The following RORA variants were observed in gnomAD, a reference collection of about 807,000 sequenced individuals.
RORA encodes nuclear receptor ROR-alpha.
RORA carries 7 observed loss-of-function variants against 69.5 expected under a neutral mutation model. That is an observed-to-expected ratio of 0.10 (90% CI 0.06 to 0.19). RORA has a LOEUF of 0.19. RORA is among the 10% of genes least tolerant of loss of function. The probability of loss-of-function intolerance (pLI) is 1.00; values close to 1 mark genes in which losing one functional copy is unlikely to be tolerated. For missense variants in RORA, 457 were observed against 663.0 expected (o/e 0.69, Z 3.41); for synonymous variants, 261 against 240.8 (o/e 1.08, Z -0.78).
chr15:60,629,894 A>G (rs1416140624), intron 2 of RORA, among the ~76,000 whole-genome samples: 1 of 152,238 alleles, frequency 6.6e-6, no homozygotes, highest in Non-Finnish European at 1.5e-5. Context: ...AATGTATTCC[A>G]TGAATGAAAG....
intron 2 of RORA, chr15:60,558,359 A>C (rs1034458916): frequency 9.3e-6 from 11 of 1,179,460 alleles, no homozygotes; most frequent in Non-Finnish European, 1.3e-5. Flanking sequence ...GGCATTAATT[A>C]GTTGGCCACT....
chr15:61,127,397 G>A (rs1360174720), intron 1 of RORA, among the ~76,000 whole-genome samples: 1 of 152,192 alleles, frequency 6.6e-6, no homozygotes, highest in African/African-American at 2.4e-5. Context: ...ATCTGTGTGA[G>A]GTTAGGAAAC....
chr15:60,516,199 ATATATATATTTATATATATATATT>A (rs1378797202), intron 3 of RORA, among the ~76,000 whole-genome samples: 1,542 of 24,508 alleles, frequency 0.063, 47 homozygotes, highest in South Asian at 0.077. Context: ...ATATATATTT[ATATATATATTTATATATATATATT>A]TATATATATA....
Position 60,751,270 on chromosome 15 carries a change from A to G in RORA, c.167-72584T>C, listed in dbSNP as rs561549254. Among the ~76,000 whole-genome samples, 26 of 152,312 alleles carry G rather than the reference A, an allele frequency of 1.7e-4. 1 individual carries two copies. The highest frequency in any genetic ancestry group is 5.5e-4 in the African/African-American group (23 of 41,560). Reference sequence around the variant, plus strand: ...CCCTGTTGTCATGTATTGATTACTTATGGCAAATAACATCAGGAGGAATTG... The same window carrying G: ...CCCTGTTGTCATGTATTGATTACTTGTGGCAAATAACATCAGGAGGAATTG... On this transcript the variant is annotated intron_variant, in intron 1 of 10. Coordinates refer to ENST00000335670, the MANE Select transcript of RORA (RefSeq NM_134261.3).
At chr15:61,050,247 T>G (rs1023804364) in intron 1 of RORA, among the ~76,000 whole-genome samples, 6 of 152,220 alleles carry the variant, frequency 3.9e-5, no homozygotes, top group Admixed American at 1.3e-4. Context: ...CGATGAGTCA[T>G]GAGACACGCA....
At chr15:60,978,959 C>CTTT (rs1555399125) in intron 1 of RORA, among the ~76,000 whole-genome samples, 3 of 48,988 alleles carry the variant, frequency 6.1e-5, no homozygotes, top group African/African-American at 2.2e-4. Context: ...TCCAACTTTG[C>CTTT]TCTTTTTTTT....
rs571624632 is a variant in RORA, at chr15:60,975,036, G to T, written c.166+254017C>A. ...CCAAGGCCAGACTGCAGAGAGCCCG[G>T]AATCTTTCCTGAATGGGAGGGGAGC... On this transcript the variant is annotated intron_variant, in intron 1 of 10. Transcript: ENST00000335670. Among the ~76,000 whole-genome samples, 13 of 152,336 alleles carry T rather than the reference G, an allele frequency of 8.5e-5. No individual in the cohort carries two copies. The Middle Eastern group carries it at 0.01, about 120-fold the overall frequency.
intron 1 of RORA, among the ~76,000 whole-genome samples, chr15:61,100,383 G>C (rs1414116357): frequency 6.6e-6 from 1 of 152,200 alleles, no homozygotes; most frequent in African/African-American, 2.4e-5. Flanking sequence ...GCCTCCCAAA[G>C]TACGAGGATT....
intron 1 of RORA, among the ~76,000 whole-genome samples, chr15:60,815,140 T>G (rs548595497): frequency 1.3e-5 from 2 of 152,264 alleles, no homozygotes; most frequent in South Asian, 4.1e-4. Flanking sequence ...TCACCCAACT[T>G]GTGGAGGAGT....
chr15:61,169,785 G>T (rs1165103969), intron 1 of RORA, among the ~76,000 whole-genome samples: 1 of 149,690 alleles, frequency 6.7e-6, no homozygotes, highest in Non-Finnish European at 1.5e-5. Context: ...AGAAAAAAAA[G>T]AAACAGCTCA....
chr15:60,694,937 A>T (rs1261739281), intron 1 of RORA, among the ~76,000 whole-genome samples: 1 of 152,200 alleles, frequency 6.6e-6, no homozygotes, highest in Admixed American at 6.5e-5. Flanking sequence ...GAACAATTTG[A>T]TCTTTCAGCG....
chr15:61,170,934 T>C lies in RORA; in HGVS notation c.166+58119A>G, dbSNP rs796906875. 1.2e-4 allele frequency among the ~76,000 whole-genome samples: 18 copies of C among 152,348 alleles called. No individual in the cohort carries two copies. In the South Asian group the frequency reaches 2.7e-3, roughly 23 times the overall value. ...TGGGCACCCTCTAGATACCATACTT[T>C]CCATTCCTCACAATAGTCGTTTCTG... On this transcript the variant is annotated intron_variant, in intron 1 of 10. Coordinates refer to ENST00000335670, the MANE Select transcript of RORA (RefSeq NM_134261.3).
intron 2 of RORA, among the ~76,000 whole-genome samples, chr15:60,567,754 G>A (rs2067759612): frequency 6.6e-6 from 1 of 152,128 alleles, no homozygotes; most frequent in Non-Finnish European, 1.5e-5. Context: ...CATTGCATGA[G>A]TTCATACATA....
At chr15:61,208,961 C>T (rs1455316283) in intron 1 of RORA, among the ~76,000 whole-genome samples, 2 of 152,078 alleles carry the variant, frequency 1.3e-5, no homozygotes, top group African/African-American at 4.8e-5. Context: ...TCTCTGCTTG[C>T]GTTAGTACTT....
chr15:61,075,843 T>G (rs2078441293), intron 1 of RORA, among the ~76,000 whole-genome samples: 1 of 152,122 alleles, frequency 6.6e-6, no homozygotes, highest in African/African-American at 2.4e-5. Flanking sequence ...AAGCAAGCAG[T>G]CATTCCCCTC....
chr15:61,218,175 T>TTGTGTGTG (rs72135304), intron 1 of RORA, among the ~76,000 whole-genome samples: 17,911 of 148,272 alleles, frequency 0.12, 1,109 homozygotes, highest in South Asian at 0.15. Flanking sequence ...CATGAAATGT[T>TTGTGTGTG]TGTGTGTGTG....
intron 1 of RORA, among the ~76,000 whole-genome samples, chr15:60,818,117 A>G (rs1431950308): frequency 6.6e-6 from 1 of 152,178 alleles, no homozygotes; most frequent in Non-Finnish European, 1.5e-5. Context: ...AAAGTGAGAG[A>G]GAAAGAGGGA....
rs543593485 is a variant in RORA at position 61,227,093 on chromosome 15, C to T, written c.166+1960G>A. ...GATCGCTTGCAAGAACACCTTCTGGCAAGAATGACACCTGAAGATGTTAAT... is the reference window on the plus strand; with the variant it reads ...GATCGCTTGCAAGAACACCTTCTGGTAAGAATGACACCTGAAGATGTTAAT... On this transcript the variant is annotated intron_variant, in intron 1 of 10. Transcript: ENST00000335670. Among the ~76,000 whole-genome samples, 3 of 151,036 alleles carry T rather than the reference C, an allele frequency of 2.0e-5. No homozygotes were observed. The South Asian group carries it at 6.3e-4, about 32-fold the overall frequency.
chr15:60,899,237 G>C (rs1891317063), intron 1 of RORA, among the ~76,000 whole-genome samples: 1 of 152,148 alleles, frequency 6.6e-6, no homozygotes, highest in African/African-American at 2.4e-5. Flanking sequence ...AGAAGTAACT[G>C]CATATACCAG....
Sources: gnomAD v4.1 joint callset for allele counts (sites outside exome capture counted in the v4.1 genomes callset) on GRCh38, gnomAD v4.1.1 for gene constraint, MANE v1.5 for transcripts, NCBI Gene and HGNC (gene_info 2026-07-23, HGNC 2026-07-21) for gene names.